The following ENOX2 variants were observed in gnomAD, a reference collection of about 807,000 sequenced individuals.
ENOX2 encodes ecto-NOX disulfide-thiol exchanger 2.
ENOX2 carries 36 observed loss-of-function variants against 45.0 expected under a neutral mutation model. That is an observed-to-expected ratio of 0.80 (90% CI 0.61 to 1.06). The LOEUF (loss-of-function observed/expected upper bound fraction) is 1.06, where lower values mean the gene tolerates loss of function less well. Among genes scored for constraint, ENOX2 ranks in the 50% least tolerant of loss-of-function variants. ENOX2 has a pLI of 0.00. For synonymous variants in ENOX2, 174 were observed against 152.3 expected (o/e 1.14, Z -1.05); for missense variants, 423 against 462.5 (o/e 0.91, Z 0.78).
At chrX:130,696,362 G>A (rs1466901280) in intron 4 of ENOX2, among the ~76,000 whole-genome samples, 1 of 111,273 alleles carries the variant, frequency 9.0e-6, no homozygotes, top group Non-Finnish European at 1.9e-5. Flanking sequence ...ACCTTTGGAG[G>A]GGCATTAGTG....
At chrX:130,874,821 CCACA>C (rs2078663898) in intron 2 of ENOX2, among the ~76,000 whole-genome samples, 1 of 111,155 alleles carries the variant, frequency 9.0e-6, no homozygotes, top group African/African-American at 3.3e-5. Context: ...CACTCCCCGC[CCACA>C]CAGACACTAA....
intron 2 of ENOX2, among the ~76,000 whole-genome samples, chrX:130,822,434 A>G (rs1207654377): frequency 8.9e-6 from 1 of 112,313 alleles, no homozygotes; most frequent in Admixed American, 9.5e-5. Flanking sequence ...TTCACTTTCA[A>G]TACAGTGTTC....
chrX:130,796,196 A>G (rs1318524808), intron 2 of ENOX2, among the ~76,000 whole-genome samples: 3 of 111,342 alleles, frequency 2.7e-5, no homozygotes, highest in African/African-American at 9.8e-5. Context: ...AAATGAATGG[A>G]TTTCAGAGAT....
chrX:130,788,337 T>C (rs892489043), intron 2 of ENOX2, among the ~76,000 whole-genome samples: 58 of 112,050 alleles, frequency 5.2e-4, no homozygotes, highest in Admixed American at 8.5e-4. Flanking sequence ...TTTCTAGACA[T>C]GATGAAACTG....
chrX:130,701,864 A>C (rs1175775324), intron 4 of ENOX2, among the ~76,000 whole-genome samples: 1 of 112,257 alleles, frequency 8.9e-6, no homozygotes, highest in East Asian at 2.8e-4. Flanking sequence ...TGTTGTTCTA[A>C]TGGAGAAGAA....
chrX:130,678,755 C>A (rs892604543), intron 6 of ENOX2, among the ~76,000 whole-genome samples: 7 of 111,013 alleles, frequency 6.3e-5, no homozygotes, highest in African/African-American at 2.3e-4. Flanking sequence ...TTTGCCATTT[C>A]CAGAATGTAA....
chrX:130,631,133 G>A (rs1569476131), intron 13 of ENOX2, among the ~76,000 whole-genome samples: 1 of 110,776 alleles, frequency 9.0e-6, no homozygotes, highest in Non-Finnish European at 1.9e-5. Context: ...CTAGCCCCCT[G>A]AGTGGACATG....
At chrX:130,740,269 C>T (rs1014217624) in intron 3 of ENOX2, among the ~76,000 whole-genome samples, 3 of 110,804 alleles carry the variant, frequency 2.7e-5, no homozygotes, top group Non-Finnish European at 5.7e-5. Context: ...GGCAAGGTGA[C>T]GCACACCTGT....
rs139913254 is a variant in ENOX2 at position 130,776,987 on chromosome X, G to C, written c.-39+6560C>G. ...GCCTCCCATACCACCAGGTGAGCTT[G>C]TGACAAATCACGTAGTACTATTAGC... On this transcript the variant is annotated intron_variant, in intron 3 of 14. Coordinates refer to ENST00000394363, the MANE Select transcript of ENOX2 (RefSeq NM_006375.4). 8.6e-4 allele frequency among the ~76,000 whole-genome samples: 96 copies of C among 112,192 alleles called. 2 individuals carry two copies. Among genetic ancestry groups the C allele is most frequent in the African/African-American group, 3.0e-3 (93 of 30,937 alleles).
At chrX:130,630,500 T>TG (rs1009455381) in intron 13 of ENOX2, among the ~76,000 whole-genome samples, 3 of 111,131 alleles carry the variant, frequency 2.7e-5, no homozygotes, top group African/African-American at 9.8e-5. Context: ...ATAAGAACTT[T>TG]GAAATGATGG....
chrX:130,688,657 T>C (rs2037509705), intron 5 of ENOX2, among the ~76,000 whole-genome samples: 1 of 112,110 alleles, frequency 8.9e-6, no homozygotes, highest in Admixed American at 9.5e-5. Context: ...GTATCATTTG[T>C]ACTGCAACCT....
intron 2 of ENOX2, among the ~76,000 whole-genome samples, chrX:130,830,654 A>G (rs181452745): frequency 9.0e-6 from 1 of 111,284 alleles, no homozygotes; most frequent in East Asian, 2.8e-4. Flanking sequence ...CTTGGCTCCT[A>G]CTCTTTCAAC....
At chrX:130,849,477 A>G (rs1002891178) in intron 2 of ENOX2, among the ~76,000 whole-genome samples, 1 of 112,432 alleles carries the variant, frequency 8.9e-6, no homozygotes, top group African/African-American at 3.2e-5. Flanking sequence ...TACAACCATC[A>G]CCATTAAGCA....
intron 10 of ENOX2, among the ~76,000 whole-genome samples, chrX:130,644,396 C>G (rs893196351): frequency 4.5e-5 from 5 of 112,003 alleles, no homozygotes; most frequent in Non-Finnish European, 9.4e-5. Flanking sequence ...TAGCATTTAT[C>G]CAAATGAACT....
intron 3 of ENOX2, among the ~76,000 whole-genome samples, chrX:130,732,091 T>C (rs915083665): frequency 8.9e-6 from 1 of 111,809 alleles, no homozygotes; most frequent in Non-Finnish European, 1.9e-5. Context: ...ATTTTATATA[T>C]AGAAAATCCC....
chrX:130,680,763 A>G (rs1316069047), intron 5 of ENOX2, among the ~76,000 whole-genome samples: 1 of 112,493 alleles, frequency 8.9e-6, no homozygotes, highest in East Asian at 2.8e-4. Flanking sequence ...CAAGATTTGG[A>G]GAGCTCAACA....
chrX:130,802,184 C>A (rs1309135767), intron 2 of ENOX2, among the ~76,000 whole-genome samples: 1 of 112,019 alleles, frequency 8.9e-6, no homozygotes, highest in Non-Finnish European at 1.9e-5. Flanking sequence ...TGCTGCTGTT[C>A]TGCCTTGTGG....
chrX:130,895,675 G>T (rs1232404118), intron 2 of ENOX2, among the ~76,000 whole-genome samples: 1 of 112,045 alleles, frequency 8.9e-6, no homozygotes, highest in Non-Finnish European at 1.9e-5. Context: ...ACAACATTTT[G>T]TGAGTAAGAG....
intron 2 of ENOX2, among the ~76,000 whole-genome samples, chrX:130,788,934 A>T (rs1264829083): frequency 8.9e-6 from 1 of 111,987 alleles, no homozygotes; most frequent in Middle Eastern, 4.2e-3. Flanking sequence ...TGGTAACGTA[A>T]TCTCATCTAA....
Sources: gnomAD v4.1 joint callset for allele counts (sites outside exome capture counted in the v4.1 genomes callset) on GRCh38, gnomAD v4.1.1 for gene constraint, MANE v1.5 for transcripts, NCBI Gene and HGNC (gene_info 2026-07-23, HGNC 2026-07-21) for gene names.